Variants in CNBD1 observed in about 807,000 individuals in gnomAD.
The protein encoded by CNBD1 is cyclic nucleotide binding domain containing 1.
Under a neutral mutation model 54.4 loss-of-function variants are expected in CNBD1, and 71 were observed. The observed-to-expected ratio is 1.30, with a 90% CI of 1.08 to 1.59. The LOEUF is 1.59. CNBD1 is among the 40% of genes most tolerant of loss of function. CNBD1 has a pLI of 0.00. For synonymous variants in CNBD1, 182 were observed against 170.7 expected (o/e 1.07, Z -0.51); for missense variants, 659 against 518.0 (o/e 1.27, Z -2.64).
At chr8:87,129,408 T>C (rs533922005) in intron 4 of CNBD1, among the ~76,000 whole-genome samples, 1 of 152,082 alleles carries the variant, frequency 6.6e-6, no homozygotes, top group African/African-American at 2.4e-5. Flanking sequence ...AGGTTATTGA[T>C]TTTTTTCTGG....
At chr8:86,986,225 G>A (rs1317794335) in intron 4 of CNBD1, among the ~76,000 whole-genome samples, 4 of 152,088 alleles carry the variant, frequency 2.6e-5, no homozygotes, top group Non-Finnish European at 5.9e-5. Context: ...ACCATGCCCA[G>A]CCCTCACTGT....
Position 87,304,185 on chromosome 8 carries a change from A to G in CNBD1, c.1042+17514A>G, listed in dbSNP as rs1284143276. ...CATGCTGCTATAAAGACACATGCAC[A>G]CGTATGTTTATTGCGGCACTATTCA... On this transcript the variant is annotated intron_variant, in intron 8 of 10. Coordinates refer to ENST00000518476, the MANE Select transcript of CNBD1 (RefSeq NM_173538.3). Among the ~76,000 whole-genome samples the G allele has an allele frequency of 5.3e-5, 8 of 152,028 alleles. No homozygotes were observed. In the East Asian group the frequency reaches 1.4e-3, roughly 26 times the overall value.
At chr8:87,170,874 T>C (rs777716681) in intron 4 of CNBD1, among the ~76,000 whole-genome samples, 29 of 152,200 alleles carry the variant, frequency 1.9e-4, no homozygotes, top group Non-Finnish European at 2.5e-4. Context: ...CACTTGGTCA[T>C]GATGAATGAT....
At chr8:87,180,831 T>C (rs948027943) in intron 4 of CNBD1, among the ~76,000 whole-genome samples, 2 of 152,162 alleles carry the variant, frequency 1.3e-5, no homozygotes, top group African/African-American at 4.8e-5. Flanking sequence ...GGATATAATT[T>C]TGCAGAATAG....
At chr8:87,187,855 C>T (rs1813512930) in intron 4 of CNBD1, among the ~76,000 whole-genome samples, 1 of 152,208 alleles carries the variant, frequency 6.6e-6, no homozygotes. Flanking sequence ...TGTAGCCAGA[C>T]TGAACTTTCA....
intron 4 of CNBD1, among the ~76,000 whole-genome samples, chr8:87,006,100 A>G (rs1809092336): frequency 6.6e-6 from 1 of 152,178 alleles, no homozygotes. Context: ...TACAGGCACC[A>G]TTTTGGAGTT....
intron 4 of CNBD1, among the ~76,000 whole-genome samples, chr8:87,059,526 A>T (rs546178338): frequency 2.6e-5 from 4 of 152,330 alleles, no homozygotes; most frequent in African/African-American, 9.6e-5. Context: ...AGGCCTCAGG[A>T]AACTTAAAAT....
At chr8:86,923,776 C>T (rs1809314240) in intron 3 of CNBD1, among the ~76,000 whole-genome samples, 1 of 152,246 alleles carries the variant, frequency 6.6e-6, no homozygotes, top group East Asian at 1.9e-4. Context: ...AAGTTGGATT[C>T]ATTTCTGGGT....
intron 2 of CNBD1, among the ~76,000 whole-genome samples, chr8:87,410,206 G>A (rs534138024): frequency 1.3e-5 from 2 of 152,110 alleles, no homozygotes; most frequent in South Asian, 4.1e-4. Context: ...GAGCTCTGAT[G>A]GAGATCCACA....
chr8:87,116,195 CTTTTTTTTTTTT>C (rs71556428), intron 4 of CNBD1, among the ~76,000 whole-genome samples: 15 of 74,536 alleles, frequency 2.0e-4, no homozygotes, highest in Admixed American at 3.6e-4. Flanking sequence ...ATTCTCATGT[CTTTTTTTTTTTT>C]TTTTTTTTTT....
At chr8:87,142,875 T>C (rs1021168345) in intron 4 of CNBD1, among the ~76,000 whole-genome samples, 3 of 129,794 alleles carry the variant, frequency 2.3e-5, no homozygotes, top group African/African-American at 8.9e-5. Context: ...GAGATTTTCG[T>C]GTGTCTGTGT....
chr8:87,131,242 T>G (rs1812112743), intron 4 of CNBD1, among the ~76,000 whole-genome samples: 1 of 152,172 alleles, frequency 6.6e-6, no homozygotes. Flanking sequence ...TTTTTACTAC[T>G]TTTTATTTCT....
At chr8:87,369,575 T>A (rs939430614) in intron 10 of CNBD1, among the ~76,000 whole-genome samples, 2 of 151,970 alleles carry the variant, frequency 1.3e-5, no homozygotes, top group African/African-American at 4.8e-5. Context: ...TTTGTTAGAT[T>A]TAGAATTCTT....
At chr8:87,185,024 G>A (rs1813444645) in intron 4 of CNBD1, among the ~76,000 whole-genome samples, 2 of 151,860 alleles carry the variant, frequency 1.3e-5, no homozygotes, top group Non-Finnish European at 2.9e-5. Context: ...ATATATTTGG[G>A]AAATTTTCAG....
chr8:87,230,363 T>C (rs1341816951), intron 5 of CNBD1, among the ~76,000 whole-genome samples: 1 of 152,144 alleles, frequency 6.6e-6, no homozygotes, highest in Non-Finnish European at 1.5e-5. Flanking sequence ...ATTGAGGTTG[T>C]TTATAAAATC....
At chr8:87,339,782 A>G (rs1810027850) in intron 8 of CNBD1, among the ~76,000 whole-genome samples, 2 of 152,234 alleles carry the variant, frequency 1.3e-5, no homozygotes. Flanking sequence ...GCAATTACAT[A>G]CAATGAGTCT....
intron 4 of CNBD1, among the ~76,000 whole-genome samples, chr8:86,942,631 G>A (rs775584930): frequency 6.6e-6 from 1 of 152,180 alleles, no homozygotes; most frequent in Non-Finnish European, 1.5e-5. Context: ...GCAAGGGAGA[G>A]TCTGTTTCTC....
rs140711713 is a variant in CNBD1 at position 87,376,420 on chromosome 8, C to T, written c.1304-6200C>T. ...CTTGCCAGAAGAAACCTACTAATACCGTCACATTGGACGTTAGGATTTCAA... is the reference window on the plus strand; with the variant it reads ...CTTGCCAGAAGAAACCTACTAATACTGTCACATTGGACGTTAGGATTTCAA... On this transcript the variant is annotated intron_variant, in intron 10 of 10. Transcript: ENST00000518476. 9.8e-3 allele frequency among the ~76,000 whole-genome samples: 1,482 copies of T among 151,938 alleles called. 21 individuals are homozygous for T. The highest frequency in any genetic ancestry group is 0.033 in the African/African-American group (1,366 of 41,492).
intron 2 of CNBD1, among the ~76,000 whole-genome samples, chr8:87,415,370 A>T (rs1379710913): frequency 6.6e-6 from 1 of 151,970 alleles, no homozygotes; most frequent in East Asian, 1.9e-4. Flanking sequence ...GCCTCACAGA[A>T]TGTTTTGGGT....
Sources: gnomAD v4.1 joint callset for allele counts (sites outside exome capture counted in the v4.1 genomes callset) on GRCh38, gnomAD v4.1.1 for gene constraint, MANE v1.5 for transcripts, NCBI Gene and HGNC (gene_info 2026-07-23, HGNC 2026-07-21) for gene names.